DNAH6: variants seen among roughly 807,000 people sequenced by gnomAD.
DNAH6 encodes dynein axonemal heavy chain 6, also known as axonemal beta dynein heavy chain 6.
DNAH6 carries 340 observed loss-of-function variants against 491.4 expected under a neutral mutation model. The observed-to-expected ratio is 0.69, with a 90% CI of 0.63 to 0.76. The LOEUF (loss-of-function observed/expected upper bound fraction) is 0.76, where lower values mean the gene tolerates loss of function less well. DNAH6 is among the 30% of genes least tolerant of loss of function. The probability of loss-of-function intolerance (pLI) is 0.00; values close to 1 mark genes in which losing one functional copy is unlikely to be tolerated. For synonymous variants in DNAH6, 1,603 were observed against 1,686.1 expected (o/e 0.95, Z 1.21); for missense variants, 4,443 against 4,972.2 (o/e 0.89, Z 3.20).
Position 84,685,394 on chromosome 2 carries a change from T to C in DNAH6, c.6985T>C (p.Cys2329Arg). Residue 2329 changes from cysteine to arginine, a missense_variant, in exon 43 of 77, where the codon TGC (cysteine) becomes CGC (arginine). Cys to Arg is a radical substitution (Grantham distance 180, BLOSUM62 -3). Coordinates refer to ENST00000389394, the MANE Select transcript of DNAH6 (RefSeq NM_001370.2). ...IQIFRLFCHE[C>R]QRVFHDRLIN... ...GATATTTAGACTCTTTTGCCATGAG[T>C]GCCAAAGGGTCTTCCATGATCGCTT... The C allele has an allele frequency of 6.5e-7, 1 of 1,530,224 alleles. No individual in the cohort carries two copies. The highest frequency in any genetic ancestry group is 1.4e-5 in the African/African-American group (1 of 72,836). The allele number at this position is 1,530,224 out of a possible 1,614,324, so 94.8% of individuals were successfully genotyped here. A position where few individuals can be genotyped will look rare whatever the true frequency, so the allele number is the denominator to read the frequency against.
chr2:84,640,840 TCTC>T (rs1689326243), intron 32 of DNAH6, among the ~76,000 whole-genome samples: 1 of 152,162 alleles, frequency 6.6e-6, no homozygotes, highest in African/African-American at 2.4e-5. Flanking sequence ...AATATTCACT[TCTC>T]CTGAACTCAA....
chr2:84,640,510 G>A lies in DNAH6; in HGVS notation c.4902G>A (p.Glu1634=), dbSNP rs1261939554. Residue 1634 remains glutamate, a synonymous_variant, in exon 32 of 77, where the codon GAG becomes GAA. Transcript: ENST00000389394. ...CTCAGATGTATAAGCTTTGCAGTGA[G>A]CAGCTGTCTCAGCAGGATCACTACG... ...KMTQMYKLCS[E]QLSQQDHYDF... The A allele has an allele frequency of 6.4e-7, 1 of 1,551,162 alleles. No homozygotes were observed. Among genetic ancestry groups the A allele is most frequent in the Admixed American group, 2.0e-5 (1 of 50,992 alleles).
chr2:84,562,746 C>T (rs1680802600), intron 11 of DNAH6, among the ~76,000 whole-genome samples: 1 of 152,178 alleles, frequency 6.6e-6, no homozygotes, highest in South Asian at 2.1e-4. Context: ...TTAATTCCTC[C>T]AGCAGTGGAT....
chr2:84,503,359 T>C, the DNAH6 span, among the ~76,000 whole-genome samples: 2 of 152,168 alleles, frequency 1.3e-5, no homozygotes, highest in Admixed American at 1.3e-4. Flanking sequence ...CTTGAAATGT[T>C]GCTGCAGTTA....
intron 59 of DNAH6, among the ~76,000 whole-genome samples, chr2:84,718,943 C>T (rs1032194188): frequency 1.3e-5 from 2 of 152,082 alleles, no homozygotes; most frequent in Admixed American, 6.5e-5. Context: ...AAAAACGTGT[C>T]GATAGTAAGA....
Position 84,694,534 on chromosome 2 carries a change from TCGGG to T in DNAH6, c.7524+55_7524+58del. The T allele has an allele frequency of 5.3e-6, 7 of 1,318,382 alleles. No individual in the cohort carries two copies. In the South Asian group the frequency reaches 9.1e-5, roughly 17 times the overall value. The allele number at this position is 1,318,382 out of a possible 1,614,324, so 81.7% of individuals were successfully genotyped here. A position where few individuals can be genotyped will look rare whatever the true frequency, so the allele number is the denominator to read the frequency against. On this transcript the variant is annotated intron_variant, in intron 46 of 76. Transcript: ENST00000389394. ...AACAGGAAATGTATGGGTGTTACAA[TCGGG>T]TGTGTGCTTTGAACAGTTTGTAGGA...
the DNAH6 span, among the ~76,000 whole-genome samples, chr2:84,511,302 C>T: frequency 1.3e-5 from 2 of 152,334 alleles, no homozygotes; most frequent in South Asian, 4.1e-4. Flanking sequence ...CTCACTGCTG[C>T]CTTGCAGTTT....
At chr2:84,472,793 C>A in the DNAH6 span, among the ~76,000 whole-genome samples, 1 of 152,196 alleles carries the variant, frequency 6.6e-6, no homozygotes, top group Non-Finnish European at 1.5e-5. Context: ...AGTATGTGCT[C>A]TCATGTGAGT....
At chr2:84,566,564 T>C (rs145289526) in intron 11 of DNAH6, among the ~76,000 whole-genome samples, 1 of 152,180 alleles carries the variant, frequency 6.6e-6, no homozygotes, top group East Asian at 1.9e-4. Flanking sequence ...ATTTCTTAAA[T>C]GGGATGACTC....
the DNAH6 span, among the ~76,000 whole-genome samples, chr2:84,481,681 C>T: frequency 2.0e-5 from 3 of 152,226 alleles, no homozygotes; most frequent in South Asian, 6.2e-4. Flanking sequence ...CTGTTCAGGT[C>T]TACCTCCTCT....
rs1347896032 is a variant in DNAH6, at chr2:84,787,175, G to T, written c.11112G>T (p.Lys3704Asn). The change falls in exon 68 of 77, where the codon AAG becomes AAT. Residue 3704 changes from lysine (K) to asparagine (N), a missense_variant. Lys to Asn is a moderately conservative substitution (Grantham distance 94, BLOSUM62 0). Transcript: ENST00000389394. ...ATTTTTCATTTTAGGAGAGAAAGAA[G>T]TTTGGCCCCCTTGGTTGGAATATCT... is the stretch of plus-strand genomic sequence containing the variant. ...FFHAIIQERKKFGPLGWNICY... is the reference protein window; with the variant it reads ...FFHAIIQERKNFGPLGWNICY... The T allele has an allele frequency of 2.6e-6, 4 of 1,514,794 alleles. No homozygotes were observed. Among genetic ancestry groups the T allele is most frequent in the Non-Finnish European group, 3.5e-6 (4 of 1,130,530 alleles). 93.8% of individuals were successfully genotyped at this position (1,514,794 alleles called of 1,614,324 possible). A position where few individuals can be genotyped will look rare whatever the true frequency, so the allele number is the denominator to read the frequency against.
In DNAH6 at chr2:84,703,530, A is replaced by G. The variant is rs1696132131; in HGVS notation, c.8197A>G (p.Lys2733Glu). The change falls in exon 50 of 77, where the codon AAA becomes GAA. Residue 2733 changes from lysine (K) to glutamate (E), a missense_variant. Lys to Glu is a moderately conservative substitution (Grantham distance 56). Coordinates refer to ENST00000389394, the MANE Select transcript of DNAH6 (RefSeq NM_001370.2). ...AGAAGATGTTGAAGCCCTGATGGAA[A>G]AATTGGCAGTGGATCAAGAAAGTGC... is the stretch of plus-strand genomic sequence containing the variant. ...KSEDVEALME[K>E]LAVDQESADQ... The G allele has an allele frequency of 1.3e-6, 2 of 1,551,218 alleles. No individual in the cohort carries two copies. The highest frequency in any genetic ancestry group is 8.7e-7 in the Non-Finnish European group (1 of 1,146,758).
At chr2:84,778,636 G>A (rs1055300325) in intron 64 of DNAH6, among the ~76,000 whole-genome samples, 2 of 151,930 alleles carry the variant, frequency 1.3e-5, no homozygotes, top group African/African-American at 4.8e-5. Context: ...AAGTAGCTGG[G>A]ACTGCAGGCA....
At chr2:84,472,004 T>A in the DNAH6 span, among the ~76,000 whole-genome samples, 1 of 152,000 alleles carries the variant, frequency 6.6e-6, no homozygotes, top group African/African-American at 2.4e-5. Context: ...CTCTTCCCCA[T>A]ATAATTCTTT....
chr2:84,778,784 C>T (rs1002320746), intron 64 of DNAH6, among the ~76,000 whole-genome samples: 1 of 152,196 alleles, frequency 6.6e-6, no homozygotes, highest in African/African-American at 2.4e-5. Flanking sequence ...GCACTGCACC[C>T]AGACACACTG....
chr2:84,531,344 A>ATTTTTTTT (rs1414143327), intron 4 of DNAH6, among the ~76,000 whole-genome samples: 1 of 1,412 alleles, frequency 7.1e-4, no homozygotes, highest in Non-Finnish European at 2.3e-3. Flanking sequence ...TTTATTTTTT[A>ATTTTTTTT]TTTTTTTTTA....
In DNAH6 at chr2:84,707,552, G is replaced by A. The variant is rs1243319916; in HGVS notation, c.8884G>A (p.Val2962Ile). The change falls in exon 54 of 77, where the codon GTA (valine) becomes ATA (isoleucine). Residue 2962 changes from valine to isoleucine, a missense_variant. Transcript: ENST00000389394. Reference sequence around the variant, plus strand: ...CATGGCCCTGACAAAAGCACGTCTAGTACGTGCTGGAAAGCTGACAGCAGC... The same window carrying A: ...CATGGCCCTGACAAAAGCACGTCTAATACGTGCTGGAAAGCTGACAGCAGC... ...KTMALTKARLVRAGKLTAALE... is the reference protein window; with the variant it reads ...KTMALTKARLIRAGKLTAALE... The A allele has an allele frequency of 3.2e-6, 5 of 1,551,852 alleles. 1 individual carries two copies. In the South Asian group the frequency reaches 4.8e-5, roughly 15 times the overall value.
At chr2:84,527,679 A>G (rs1055284582) in intron 3 of DNAH6, among the ~76,000 whole-genome samples, 3 of 152,178 alleles carry the variant, frequency 2.0e-5, no homozygotes, top group Non-Finnish European at 4.4e-5. Context: ...TCAAAGACAC[A>G]CATTTTACCT....
At chr2:84,703,349 AG>A in intron 49 of DNAH6, 45 bp from the exon 50 acceptor site, 16 of 1,363,514 alleles carry the variant, frequency 1.2e-5, no homozygotes, top group Non-Finnish European at 1.6e-5. Context: ...CAGTAAACTT[AG>A]AGTTTATAAT....
Sources: gnomAD v4.1 joint callset for allele counts (sites outside exome capture counted in the v4.1 genomes callset) on GRCh38, gnomAD v4.1.1 for gene constraint, MANE v1.5 for transcripts, NCBI Gene and HGNC (gene_info 2026-07-23, HGNC 2026-07-21) for gene names.